Variants in OR52N4 observed in about 807,000 individuals in gnomAD.
OR52N4 encodes olfactory receptor 52N4.
Under a neutral mutation model 15.0 loss-of-function variants are expected in OR52N4, and 15 were observed. The ratio of observed to expected loss-of-function variants is 1.00; its 90% CI spans 0.67 to 1.54. The LOEUF is 1.54. Among genes scored for constraint, OR52N4 ranks in the 40% most tolerant of loss-of-function variants. OR52N4 has a pLI of 0.00. For missense variants in OR52N4, 421 were observed against 394.0 expected (o/e 1.07, Z -0.58); for synonymous variants, 143 against 143.7 (o/e 1.00, Z 0.03).
At chr11:5,731,554 T>A in the OR52N4 span, among the ~76,000 whole-genome samples, 1 of 152,198 alleles carries the variant, frequency 6.6e-6, no homozygotes, top group African/African-American at 2.4e-5. Flanking sequence ...AACATTTCCC[T>A]AAAACATTAC....
At chr11:5,745,242 A>G in the OR52N4 span, among the ~76,000 whole-genome samples, 1 of 152,216 alleles carries the variant, frequency 6.6e-6, no homozygotes, top group African/African-American at 2.4e-5. Context: ...AAATTTAACA[A>G]GAGAAAGTCA....
chr11:5,754,435 G>A (rs886786318), intron 1 of OR52N4, 130 bp downstream of exon 1: 10 of 282,122 alleles, frequency 3.5e-5, no homozygotes, highest in Non-Finnish European at 5.9e-5. Flanking sequence ...CTATGAGATT[G>A]GGAATATGTC....
At chr11:5,737,040 G>A in the OR52N4 span, 7,025 of 1,614,040 alleles carry the variant, frequency 4.4e-3, 246 homozygotes, top group African/African-American at 0.075. Context: ...GCAGCACAGC[G>A]TGATTATTGC....
At chr11:5,731,134 T>A in the OR52N4 span, among the ~76,000 whole-genome samples, 1 of 152,200 alleles carries the variant, frequency 6.6e-6, no homozygotes, top group Non-Finnish European at 1.5e-5. Flanking sequence ...AACTAAAAAC[T>A]TTCAGGAAGA....
At chr11:5,750,786 T>C (rs1854174248), upstream of OR52N4, among the ~76,000 whole-genome samples, 1 of 152,044 alleles carries the variant, frequency 6.6e-6, no homozygotes, top group East Asian at 1.9e-4. Flanking sequence ...ATTTCATGTA[T>C]TGAAGACTAT....
the OR52N4 span, chr11:5,736,176 T>G: frequency 4.1e-6 from 1 of 243,608 alleles, no homozygotes; most frequent in African/African-American, 2.3e-5. Context: ...TCAATATAAT[T>G]TATTTCTGGA....
At chr11:5,737,802 C>T in the OR52N4 span, 1 of 233,792 alleles carries the variant, frequency 4.3e-6, no homozygotes, top group Non-Finnish European at 8.4e-6. Context: ...CAAATACACA[C>T]ACAGACACAC....
the OR52N4 span, chr11:5,736,951 C>A: frequency 6.2e-7 from 1 of 1,614,086 alleles, no homozygotes; most frequent in South Asian, 1.1e-5. Flanking sequence ...CATCAATTGT[C>A]ACCAGTTCCT....
the OR52N4 span, chr11:5,737,746 T>C: frequency 2.3e-5 from 8 of 348,712 alleles, no homozygotes; most frequent in East Asian, 4.9e-5. Context: ...AACTTAATGA[T>C]TGATATCTAT....
chr11:5,727,759 T>C, the OR52N4 span, among the ~76,000 whole-genome samples: 61 of 152,306 alleles, frequency 4.0e-4, no homozygotes, highest in Non-Finnish European at 4.7e-4. Flanking sequence ...TGCATAGCCA[T>C]AAGATCTCTT....
the OR52N4 span, among the ~76,000 whole-genome samples, chr11:5,731,966 T>C: frequency 8.5e-5 from 13 of 152,362 alleles, no homozygotes; most frequent in Middle Eastern, 3.4e-3. Context: ...GTGATATATG[T>C]ATACTTTGTG....
chr11:5,754,698 C>T lies in OR52N4; in HGVS notation c.-43C>T. The T allele has an allele frequency of 2.0e-6, 3 of 1,529,682 alleles. No individual in the cohort carries two copies. Among genetic ancestry groups the T allele is most frequent in the South Asian group, 1.3e-5 (1 of 76,218 alleles). 94.8% of individuals were successfully genotyped at this position (1,529,682 alleles called of 1,614,324 possible). On this transcript the variant is annotated 5_prime_UTR_variant, in exon 2 of 2. Transcript: ENST00000641350. ...GTTTTTTTTTTTAACTCTAGGAAAGCCCAGACAAATTTTGAGCTATTTCAT... is the reference window on the plus strand; with the variant it reads ...GTTTTTTTTTTTAACTCTAGGAAAGTCCAGACAAATTTTGAGCTATTTCAT...
chr11:5,740,074 T>C, the OR52N4 span, among the ~76,000 whole-genome samples: 3 of 127,470 alleles, frequency 2.4e-5, 1 homozygote, highest in East Asian at 5.4e-4. Flanking sequence ...TTTCACATTT[T>C]CCCCCCAATA....
chr11:5,742,411 G>A, the OR52N4 span, among the ~76,000 whole-genome samples: 1 of 152,046 alleles, frequency 6.6e-6, no homozygotes, highest in South Asian at 2.1e-4. Flanking sequence ...CATCACCAAG[G>A]CATATAGGCA....
At chr11:5,748,698 T>C in the OR52N4 span, among the ~76,000 whole-genome samples, 8 of 152,014 alleles carry the variant, frequency 5.3e-5, no homozygotes, top group Non-Finnish European at 7.4e-5. Flanking sequence ...TAAAAAAATT[T>C]TAAAAATGGA....
At chr11:5,729,499 C>T in the OR52N4 span, among the ~76,000 whole-genome samples, 1,231 of 152,238 alleles carry the variant, frequency 8.1e-3, 12 homozygotes, top group Non-Finnish European at 0.014. Context: ...TTTGTGTTCT[C>T]CAAATTGACC....
chr11:5,736,437 T>C, the OR52N4 span: 5 of 1,223,208 alleles, frequency 4.1e-6, no homozygotes, highest in Non-Finnish European at 5.9e-6. Flanking sequence ...AGAAAAATAC[T>C]ACAATTTTAT....
At chr11:5,731,055 C>T in the OR52N4 span, among the ~76,000 whole-genome samples, 64 of 152,106 alleles carry the variant, frequency 4.2e-4, no homozygotes, top group Non-Finnish European at 7.6e-4. Flanking sequence ...AGCCTCATCC[C>T]TTCCATTCGT....
chr11:5,727,910 A>T, the OR52N4 span, among the ~76,000 whole-genome samples: 369 of 152,316 alleles, frequency 2.4e-3, no homozygotes, highest in African/African-American at 8.2e-3. Context: ...GCCGCAAAAA[A>T]TTTATCATGC....
Sources: allele counts gnomAD v4.1 joint callset (sites outside exome capture counted in the v4.1 genomes callset), GRCh38; gene constraint gnomAD v4.1.1; transcripts MANE v1.5; gene names NCBI Gene and HGNC (gene_info 2026-07-23, HGNC 2026-07-21).